The following INPP5A variants were observed in gnomAD, a reference collection of about 807,000 sequenced individuals.
INPP5A encodes the protein inositol polyphosphate-5-phosphatase A, also known as 43 kDa inositol polyphosphate 5-phophatase.
A neutral mutation model predicts 65.2 loss-of-function variants in INPP5A; 14 were observed. That is an observed-to-expected ratio of 0.21 (90% CI 0.14 to 0.34). The LOEUF (loss-of-function observed/expected upper bound fraction) is 0.34, where lower values mean the gene tolerates loss of function less well. Ranked by LOEUF, INPP5A falls within the 10% of genes least tolerant of loss-of-function variation. The pLI is 1.00. For synonymous variants in INPP5A, 207 were observed against 208.3 expected, an observed-to-expected ratio of 0.99 and a Z score of 0.05; for missense variants, 431 against 545.6, an observed-to-expected ratio of 0.79 and a Z score of 2.09.
In INPP5A at chr10:132,537,972, G is replaced by C. The variant is rs1462369615; in HGVS notation, c.-125G>C. On this transcript the variant is annotated 5_prime_UTR_variant, in exon 1 of 16. Coordinates refer to ENST00000368594, the MANE Select transcript of INPP5A (RefSeq NM_005539.5). Reference sequence around the variant, plus strand: ...GGCCGACCCGCCGAGCCCGCGATGCGCCCCGGGGCCGCCCCCCGGCGCAGC... The same window carrying C: ...GGCCGACCCGCCGAGCCCGCGATGCCCCCCGGGGCCGCCCCCCGGCGCAGC... The C allele has an allele frequency of 4.4e-6, 1 of 227,086 alleles. No individual in the cohort carries two copies. Among genetic ancestry groups the C allele is most frequent in the Non-Finnish European group, 7.2e-6 (1 of 139,482 alleles). The allele number at this position is 227,086 out of a possible 1,614,324, so 14.1% of individuals were successfully genotyped here.
rs899328470 is a variant in INPP5A, at chr10:132,675,489, C to T, written c.307-14903C>T. On this transcript the variant is annotated intron_variant, in intron 4 of 15. Transcript: ENST00000368594. This position sits in a 1 kb window ranked among gnomAD's most constrained non-coding sequence, Gnocchi z 4.2. ...GGCCATGGGCATTGGTTGTGTAAAC[C>T]GAGGCACCTCCTGCAGTGTAAAACA... is the stretch of plus-strand genomic sequence containing the variant. Among the ~76,000 whole-genome samples, 18 of 152,112 alleles carry T rather than the reference C, an allele frequency of 1.2e-4. No individual in the cohort carries two copies. The highest frequency in any genetic ancestry group is 3.9e-4 in the African/African-American group (16 of 41,402).
chr10:132,640,545 C>T lies in INPP5A; in HGVS notation c.118-5323C>T, dbSNP rs557409824. ...GCCCGAAGAGGGAAAGAATAAGAGG[C>T]TCGCCCTGTGTATCACTTCTCCAGG... On this transcript the variant is annotated intron_variant, in intron 2 of 15. Coordinates refer to ENST00000368594, the MANE Select transcript of INPP5A (RefSeq NM_005539.5). Among the ~76,000 whole-genome samples the T allele has an allele frequency of 1.9e-3, 285 of 152,376 alleles. 1 individual carries two copies. The highest frequency in any genetic ancestry group is 2.9e-3 in the Non-Finnish European group (198 of 68,042).
intron 6 of INPP5A, among the ~76,000 whole-genome samples, chr10:132,702,200 AT>A (rs1476253460): frequency 6.6e-6 from 1 of 152,268 alleles, no homozygotes; most frequent in Non-Finnish European, 1.5e-5. Flanking sequence ...ATAGTTGGTT[AT>A]GATAATATAC....
chr10:132,626,257 C>G (rs1182744990), intron 2 of INPP5A, among the ~76,000 whole-genome samples: 2 of 152,242 alleles, frequency 1.3e-5, no homozygotes, highest in African/African-American at 4.8e-5. Context: ...CCCTTGGTGA[C>G]ACCTGGGCTA....
At position 132,549,364 on chromosome 10, in the gene INPP5A, C is replaced by T. The variant is rs1165105465; in HGVS notation, c.75+11193C>T. Among the ~76,000 whole-genome samples, 1 of 152,216 alleles carries T rather than the reference C, an allele frequency of 6.6e-6. No homozygotes were observed. The highest frequency in any genetic ancestry group is 1.5e-5 in the Non-Finnish European group (1 of 68,050). ...TGGAAGGACTCTAGCTCTTCTGCATCATGCCAGCACTTGGTGGCATTTGTC... is the reference window on the plus strand; with the variant it reads ...TGGAAGGACTCTAGCTCTTCTGCATTATGCCAGCACTTGGTGGCATTTGTC... On this transcript the variant is annotated intron_variant, in intron 1 of 15. Coordinates refer to ENST00000368594, the MANE Select transcript of INPP5A (RefSeq NM_005539.5). This position sits in a 1 kb window ranked among gnomAD's most constrained non-coding sequence, Gnocchi z 4.9.
intron 9 of INPP5A, among the ~76,000 whole-genome samples, chr10:132,748,093 A>T (rs2134633618): frequency 6.6e-6 from 1 of 152,280 alleles, no homozygotes; most frequent in Non-Finnish European, 1.5e-5. Context: ...TTGAGGTATA[A>T]TTTACACACA....
intron 1 of INPP5A, among the ~76,000 whole-genome samples, chr10:132,604,682 G>T (rs2071823133): frequency 6.6e-6 from 1 of 152,248 alleles, no homozygotes; most frequent in African/African-American, 2.4e-5. Flanking sequence ...AGGGAAGACA[G>T]AGAAGGAACA....
intron 4 of INPP5A, among the ~76,000 whole-genome samples, chr10:132,657,374 G>C (rs1290139678): frequency 1.3e-5 from 2 of 152,250 alleles, no homozygotes. Context: ...TTTTCCAGGG[G>C]CTCTGGCCTC....
chr10:132,754,028 C>T (rs1008028659), intron 11 of INPP5A: 5 of 152,242 alleles, frequency 3.3e-5, no homozygotes, highest in African/African-American at 7.2e-5. Context: ...TTGTTCCAGC[C>T]GCAGCAGGGG....
At position 132,704,121 on chromosome 10, in the gene INPP5A, GC is replaced by G. The variant is rs1041836840; in HGVS notation, c.475-4186del. On this transcript the variant is annotated intron_variant, in intron 6 of 15. Coordinates refer to ENST00000368594, the MANE Select transcript of INPP5A (RefSeq NM_005539.5). The surrounding 1 kb of genome is among the most constrained non-coding windows in gnomAD (Gnocchi z 4.5). ...GCATCTGGTTCCCAAAGCATGTCAG[GC>G]CCCCCAGTCCCCCCAGACAGGAGGT... Among the ~76,000 whole-genome samples the G allele has an allele frequency of 9.9e-5, 15 of 151,870 alleles. No homozygotes were observed. The highest frequency in any genetic ancestry group is 3.6e-4 in the African/African-American group (15 of 41,324).
chr10:132,601,209 A>G (rs773166748), intron 1 of INPP5A, among the ~76,000 whole-genome samples: 1 of 152,170 alleles, frequency 6.6e-6, no homozygotes, highest in Non-Finnish European at 1.5e-5. Flanking sequence ...TGGGTGTGAA[A>G]TGGCATTTCA....
chr10:132,714,917 A>G (rs76083644), intron 8 of INPP5A, among the ~76,000 whole-genome samples: 7,121 of 152,346 alleles, frequency 0.047, 239 homozygotes, highest in Middle Eastern at 0.082. Context: ...AGAAGTTTAA[A>G]AAGAAGACAA....
rs1373794901 is a variant in INPP5A at position 132,550,503 on chromosome 10, G to A, written c.75+12332G>A. On this transcript the variant is annotated intron_variant, in intron 1 of 15. Transcript: ENST00000368594. This position sits in a 1 kb window ranked among gnomAD's most constrained non-coding sequence, Gnocchi z 4.2. The stretch of plus-strand genomic sequence containing the variant: ...GCAGCGCCCGTGAGAGGAGGGAAGC[G>A]ACACCCTTGGGCTGAGCTTTTCCGT... 6.6e-6 allele frequency among the ~76,000 whole-genome samples: 1 copy of A among 152,202 alleles called. No homozygotes were observed. The highest frequency in any genetic ancestry group is 6.5e-5 in the Admixed American group (1 of 15,288).
At chr10:132,731,788 G>T (rs911320016) in intron 9 of INPP5A, among the ~76,000 whole-genome samples, 1 of 152,212 alleles carries the variant, frequency 6.6e-6, no homozygotes, top group Non-Finnish European at 1.5e-5. Flanking sequence ...CACACGAATC[G>T]GCAGAAGGAA....
At chr10:132,589,240 G>A (rs532733800) in intron 1 of INPP5A, among the ~76,000 whole-genome samples, 6 of 152,342 alleles carry the variant, frequency 3.9e-5, no homozygotes, top group East Asian at 1.9e-4. Context: ...CTGAGGGAGC[G>A]CTGGGGTCGT....
intron 1 of INPP5A, among the ~76,000 whole-genome samples, chr10:132,580,589 C>T (rs1363499572): frequency 6.6e-6 from 1 of 152,158 alleles, no homozygotes; most frequent in Non-Finnish European, 1.5e-5. Context: ...GAAAGAGTCA[C>T]AGGAAGGGCC....
chr10:132,621,108 A>G (rs76398729), intron 2 of INPP5A, among the ~76,000 whole-genome samples: 2,270 of 152,330 alleles, frequency 0.015, 31 homozygotes, highest in South Asian at 0.039. Flanking sequence ...CTAGGAATAG[A>G]AAAGAGCATT....
In INPP5A at chr10:132,705,402, C is replaced by T. The variant is rs2134517946; in HGVS notation, c.475-2911C>T. ...ACCAGTAGCCTGGGGATGCCTTGGC[C>T]AGCCTCCTGGAGCTTTGGCACAGCC... On this transcript the variant is annotated intron_variant, in intron 6 of 15. Transcript: ENST00000368594. The surrounding 1 kb of genome is among the most constrained non-coding windows in gnomAD (Gnocchi z 4.9). 6.6e-6 allele frequency among the ~76,000 whole-genome samples: 1 copy of T among 152,348 alleles called. No homozygotes were observed. The highest frequency in any genetic ancestry group is 2.1e-4 in the South Asian group (1 of 4,826).
At chr10:132,735,099 G>A (rs1210663514) in intron 9 of INPP5A, among the ~76,000 whole-genome samples, 2 of 152,214 alleles carry the variant, frequency 1.3e-5, no homozygotes, top group Non-Finnish European at 2.9e-5. Context: ...TCAAACAGCA[G>A]CATGGGTTAG....
Sources: allele counts gnomAD v4.1 joint callset (sites outside exome capture counted in the v4.1 genomes callset), GRCh38; gene constraint gnomAD v4.1.1; non-coding constraint Gnocchi (gnomAD v3.1); transcripts MANE v1.5; gene names NCBI Gene and HGNC (gene_info 2026-07-23, HGNC 2026-07-21).